LRRC37A2: variants seen among roughly 807,000 people sequenced by gnomAD.
LRRC37A2 encodes leucine rich repeat containing 37 member A2.
A neutral mutation model predicts 68.8 loss-of-function variants in LRRC37A2; 9 were observed. The ratio of observed to expected loss-of-function variants is 0.13; its 90% CI spans 0.08 to 0.23. The LOEUF (loss-of-function observed/expected upper bound fraction) is 0.23. Ranked by LOEUF, LRRC37A2 falls within the 10% of genes least tolerant of loss-of-function variation. The pLI is 1.00. For synonymous variants in LRRC37A2, 63 were observed against 367.6 expected, an observed-to-expected ratio of 0.17 and a Z score of 9.48; for missense variants, 168 against 950.4, an observed-to-expected ratio of 0.18 and a Z score of 10.82.
the LRRC37A2 span, chr17:46,770,148 G>A: frequency 2.1e-6 from 3 of 1,412,972 alleles, no homozygotes; most frequent in Non-Finnish European, 9.3e-7. Context: ...ACGAGGCCAG[G>A]AAGAGTTGAA....
the LRRC37A2 span, among the ~76,000 whole-genome samples, chr17:46,999,287 A>T: frequency 3.7e-4 from 57 of 152,026 alleles, 2 homozygotes; most frequent in South Asian, 0.01. Context: ...TGCTGTGAAG[A>T]TGAGATGACG....
At chr17:46,946,898 G>A in the LRRC37A2 span, among the ~76,000 whole-genome samples, 2 of 152,128 alleles carry the variant, frequency 1.3e-5, no homozygotes, top group African/African-American at 4.8e-5. Flanking sequence ...GATGTCGCGG[G>A]GCAGCAGTCA....
chr17:46,917,293 T>G, the LRRC37A2 span: 1 of 152,184 alleles, frequency 6.6e-6, no homozygotes, highest in African/African-American at 2.4e-5. Flanking sequence ...CAAAACAAGT[T>G]ATCTTTTTCC....
At chr17:46,789,119 G>A in the LRRC37A2 span, among the ~76,000 whole-genome samples, 1 of 152,192 alleles carries the variant, frequency 6.6e-6, no homozygotes, top group African/African-American at 2.4e-5. Context: ...CACAGTGCGT[G>A]GGGCACTCCT....
chr17:46,996,848 A>G, the LRRC37A2 span, among the ~76,000 whole-genome samples: 1 of 152,148 alleles, frequency 6.6e-6, no homozygotes, highest in Non-Finnish European at 1.5e-5. Flanking sequence ...TTGTCGGTTG[A>G]CTGGGGCCAG....
chr17:46,448,407 T>G, the LRRC37A2 span, among the ~76,000 whole-genome samples: 2 of 26,196 alleles, frequency 7.6e-5, no homozygotes, highest in Non-Finnish European at 2.0e-4. Context: ...GCCATGAGAG[T>G]AGTTGCAATT....
chr17:46,887,018 T>C, the LRRC37A2 span, among the ~76,000 whole-genome samples: 5 of 152,182 alleles, frequency 3.3e-5, no homozygotes, highest in African/African-American at 1.2e-4. Flanking sequence ...GGTTTCACCA[T>C]GTTGCCCAAG....
At chr17:46,711,452 C>G in the LRRC37A2 span, among the ~76,000 whole-genome samples, 1 of 152,054 alleles carries the variant, frequency 6.6e-6, no homozygotes, top group Non-Finnish European at 1.5e-5. Context: ...GAACTAGTTG[C>G]TGGGGATACA....
At chr17:46,844,939 C>T in the LRRC37A2 span, among the ~76,000 whole-genome samples, 1 of 152,080 alleles carries the variant, frequency 6.6e-6, no homozygotes, top group Admixed American at 6.6e-5. Context: ...CCTCCGCCTC[C>T]CAGCTGCAAG....
At chr17:46,755,369 C>T in the LRRC37A2 span, 13 of 1,611,462 alleles carry the variant, frequency 8.1e-6, no homozygotes, top group African/African-American at 9.3e-5. Context: ...GAAGAAGGAG[C>T]GTAAGTACAT....
chr17:46,749,980 A>G, the LRRC37A2 span: 1 of 1,497,140 alleles, frequency 6.7e-7, no homozygotes, highest in Non-Finnish European at 9.2e-7. Flanking sequence ...GTACCACATT[A>G]TACCTGGTGT....
chr17:46,982,309 G>A, the LRRC37A2 span, among the ~76,000 whole-genome samples: 3 of 152,152 alleles, frequency 2.0e-5, no homozygotes, highest in Non-Finnish European at 4.4e-5. Context: ...CTTGGAGTCC[G>A]TACCTTGATT....
the LRRC37A2 span, among the ~76,000 whole-genome samples, chr17:46,841,549 G>C: frequency 6.6e-6 from 1 of 152,254 alleles, no homozygotes; most frequent in Non-Finnish European, 1.5e-5. Context: ...ATTGAGAGCG[G>C]GTTAAGGTGG....
the LRRC37A2 span, among the ~76,000 whole-genome samples, chr17:46,994,100 G>C: frequency 5.3e-5 from 8 of 152,200 alleles, no homozygotes; most frequent in Non-Finnish European, 7.4e-5. Context: ...AAATGCTGGT[G>C]GGGGCTGGGC....
the LRRC37A2 span, among the ~76,000 whole-genome samples, chr17:46,995,018 G>A: frequency 6.6e-6 from 1 of 152,224 alleles, no homozygotes; most frequent in Non-Finnish European, 1.5e-5. Flanking sequence ...AGCTACTGGG[G>A]AGGCTGAGGT....
At chr17:46,988,639 A>G in the LRRC37A2 span, among the ~76,000 whole-genome samples, 106,337 of 151,942 alleles carry the variant, frequency 0.7, 37,839 homozygotes, top group Middle Eastern at 0.78. Context: ...CGGAGTGGTC[A>G]GGCCAAGGTG....
chr17:46,818,442 C>T, the LRRC37A2 span: 5 of 1,465,824 alleles, frequency 3.4e-6, no homozygotes, highest in Middle Eastern at 2.4e-4. Context: ...CAGCGGCCCA[C>T]CCCCAGCCGG....
At chr17:46,751,703 T>G in the LRRC37A2 span, 3 of 708,868 alleles carry the variant, frequency 4.2e-6, no homozygotes, top group Non-Finnish European at 4.4e-6. Flanking sequence ...TGCCAAGGTT[T>G]TAATTAATTT....
At chr17:46,703,695 A>C in the LRRC37A2 span, among the ~76,000 whole-genome samples, 21 of 151,512 alleles carry the variant, frequency 1.4e-4, no homozygotes, top group East Asian at 5.8e-4. Context: ...AAAAAAAAAA[A>C]AAAAAAAAAC....
Sources: allele counts gnomAD v4.1 joint callset (sites outside exome capture counted in the v4.1 genomes callset), GRCh38; gene constraint gnomAD v4.1.1; transcripts MANE v1.5; gene names NCBI Gene and HGNC (gene_info 2026-07-23, HGNC 2026-07-21).